Variants in NELL1 observed in about 807,000 individuals in gnomAD.
NELL1 encodes the protein neural EGFL like 1.
A neutral mutation model predicts 107.4 loss-of-function variants in NELL1; 76 were observed. That is an observed-to-expected ratio of 0.71 (90% CI 0.59 to 0.86). The LOEUF (loss-of-function observed/expected upper bound fraction) is 0.86, where lower values mean the gene tolerates loss of function less well. NELL1 is among the 40% of genes least tolerant of loss of function. NELL1 has a pLI of 0.00. For missense variants in NELL1, 1,024 were observed against 1,005.5 expected, an observed-to-expected ratio of 1.02 and a Z score of -0.25; for synonymous variants, 353 against 341.2, an observed-to-expected ratio of 1.03 and a Z score of -0.38.
intron 14 of NELL1, among the ~76,000 whole-genome samples, chr11:21,267,926 C>T (rs926090566): frequency 3.9e-5 from 6 of 152,124 alleles, no homozygotes; most frequent in African/African-American, 1.4e-4. Flanking sequence ...TCCATTCCTT[C>T]ACTTTCAGTA....
chr11:21,092,552 T>C (rs913369523), intron 12 of NELL1, among the ~76,000 whole-genome samples: 3 of 152,144 alleles, frequency 2.0e-5, no homozygotes, highest in African/African-American at 4.8e-5. Flanking sequence ...ATGATGATGA[T>C]AATATATGCC....
intron 14 of NELL1, among the ~76,000 whole-genome samples, chr11:21,265,977 T>G (rs1487057528): frequency 6.6e-6 from 1 of 152,006 alleles, no homozygotes; most frequent in African/African-American, 2.4e-5. Context: ...CAGGAATGCT[T>G]AGTGTACCCC....
chr11:20,698,729 G>C (rs1854687726), intron 2 of NELL1, among the ~76,000 whole-genome samples: 1 of 152,014 alleles, frequency 6.6e-6, no homozygotes, highest in Admixed American at 6.6e-5. Flanking sequence ...CTGAGATTTT[G>C]GTGCACCCAT....
chr11:21,430,819 G>A (rs766091374), intron 15 of NELL1, among the ~76,000 whole-genome samples: 6 of 152,052 alleles, frequency 3.9e-5, no homozygotes, highest in Non-Finnish European at 5.9e-5. Flanking sequence ...CAATGTGTTC[G>A]TATTTGTGTT....
intron 12 of NELL1, among the ~76,000 whole-genome samples, chr11:20,991,963 T>A (rs890690862): frequency 6.8e-6 from 1 of 146,858 alleles, no homozygotes; most frequent in Non-Finnish European, 1.5e-5. Flanking sequence ...CTCTCCTTCT[T>A]TGGTTCTTTC....
intron 7 of NELL1, among the ~76,000 whole-genome samples, chr11:20,925,667 C>T (rs1850480918): frequency 6.6e-6 from 1 of 152,072 alleles, no homozygotes; most frequent in African/African-American, 2.4e-5. Flanking sequence ...ATATTTCAGG[C>T]AGCGTCAACT....
At chr11:21,403,736 G>A (rs993719900) in intron 15 of NELL1, among the ~76,000 whole-genome samples, 22 of 143,142 alleles carry the variant, frequency 1.5e-4, no homozygotes, top group African/African-American at 5.1e-4. Flanking sequence ...AGTCAAGAAT[G>A]TTATCAGAAA....
chr11:21,324,732 C>T (rs1359153128), intron 14 of NELL1, among the ~76,000 whole-genome samples: 2 of 151,994 alleles, frequency 1.3e-5, no homozygotes, highest in Admixed American at 1.3e-4. Context: ...GAACAGAGAT[C>T]ACTCAAAATA....
At chr11:20,699,681 T>C (rs1914982) in intron 2 of NELL1, among the ~76,000 whole-genome samples, 28,875 of 152,154 alleles carry the variant, frequency 0.19, 3,051 homozygotes, top group African/African-American at 0.24. Flanking sequence ...ATCTACTCAT[T>C]GGTAGATGGG....
intron 13 of NELL1, among the ~76,000 whole-genome samples, chr11:21,134,417 G>A (rs898674279): frequency 5.3e-5 from 8 of 152,178 alleles, no homozygotes; most frequent in African/African-American, 1.7e-4. Flanking sequence ...GCCTGTTTAG[G>A]CATCTTCTCT....
chr11:21,112,526 G>A (rs1423213550), intron 12 of NELL1, among the ~76,000 whole-genome samples: 5 of 151,958 alleles, frequency 3.3e-5, no homozygotes, highest in Admixed American at 6.6e-5. Context: ...CAGGTCTAGC[G>A]TGTTCTAACA....
At chr11:21,231,875 C>A (rs1203274593) in intron 14 of NELL1, among the ~76,000 whole-genome samples, 2 of 152,082 alleles carry the variant, frequency 1.3e-5, no homozygotes, top group African/African-American at 2.4e-5. Flanking sequence ...ATAAATGCTG[C>A]ATGGGAAAGC....
chr11:21,515,606 C>T (rs1475893561), intron 15 of NELL1, among the ~76,000 whole-genome samples: 10 of 152,090 alleles, frequency 6.6e-5, no homozygotes, highest in Admixed American at 6.6e-4. Context: ...AGAATTTGAA[C>T]CTTAAAGTGC....
At chr11:20,706,010 G>A (rs568645930) in intron 2 of NELL1, among the ~76,000 whole-genome samples, 13 of 152,290 alleles carry the variant, frequency 8.5e-5, no homozygotes, top group African/African-American at 2.6e-4. Flanking sequence ...AAAAAGTCAA[G>A]AAACAACAGG....
intron 2 of NELL1, among the ~76,000 whole-genome samples, chr11:20,704,809 A>G (rs1854897089): frequency 6.6e-6 from 1 of 152,156 alleles, no homozygotes; most frequent in South Asian, 2.1e-4. Flanking sequence ...AAATTCTTTA[A>G]GAATGTCAAG....
chr11:20,921,524 G>A (rs1371459375), intron 7 of NELL1, among the ~76,000 whole-genome samples: 1 of 152,056 alleles, frequency 6.6e-6, no homozygotes, highest in African/African-American at 2.4e-5. Context: ...GGTTTGACAA[G>A]AAAGGGTTAA....
At chr11:20,982,315 G>A (rs569645777) in intron 12 of NELL1, among the ~76,000 whole-genome samples, 1 of 152,090 alleles carries the variant, frequency 6.6e-6, no homozygotes, top group African/African-American at 2.4e-5. Context: ...AGAAGTGAGG[G>A]GATAGTTTAT....
At chr11:21,265,297 AC>A (rs997435200) in intron 14 of NELL1, among the ~76,000 whole-genome samples, 3 of 152,040 alleles carry the variant, frequency 2.0e-5, no homozygotes, top group Non-Finnish European at 4.4e-5. Context: ...CTAAATAAAA[AC>A]TATATTCAGA....
At chr11:21,429,559 T>C (rs1852916833) in intron 15 of NELL1, among the ~76,000 whole-genome samples, 1 of 152,214 alleles carries the variant, frequency 6.6e-6, no homozygotes, top group Non-Finnish European at 1.5e-5. Flanking sequence ...AAAATATGAC[T>C]TGGTATTTCA....
Sources: gnomAD v4.1 joint callset for allele counts (sites outside exome capture counted in the v4.1 genomes callset) on GRCh38, gnomAD v4.1.1 for gene constraint, MANE v1.5 for transcripts, NCBI Gene and HGNC (gene_info 2026-07-23, HGNC 2026-07-21) for gene names.